The following LEPR variants were observed in gnomAD, a reference collection of about 807,000 sequenced individuals.
LEPR encodes the protein OB receptor.
A neutral mutation model predicts 114.7 loss-of-function variants in LEPR; 56 were observed. The observed-to-expected ratio is 0.49, with a 90% CI of 0.39 to 0.61. The LOEUF is 0.61. LEPR is among the 20% of genes least tolerant of loss of function. LEPR has a pLI of 0.00. For synonymous variants in LEPR, 443 were observed against 461.4 expected (o/e 0.96, Z 0.51); for missense variants, 1,202 against 1,352.9 (o/e 0.89, Z 1.75).
intron 2 of LEPR, among the ~76,000 whole-genome samples, chr1:65,545,555 C>T (rs1403908140): frequency 6.6e-6 from 1 of 152,006 alleles, no homozygotes; most frequent in Non-Finnish European, 1.5e-5. Flanking sequence ...CTCTGATGGC[C>T]AGTGATGGTG....
intron 7 of LEPR, 115 bp from the exon 8 acceptor site, chr1:65,598,545 A>G (rs1656236461): frequency 1.4e-6 from 2 of 1,454,270 alleles, no homozygotes; most frequent in South Asian, 1.3e-5. Context: ...GTGGCCAGAT[A>G]ACTACTGTGT....
chr1:65,428,701 T>C (rs1319275311), intron 2 of LEPR, among the ~76,000 whole-genome samples: 1 of 152,120 alleles, frequency 6.6e-6, no homozygotes, highest in African/African-American at 2.4e-5. Context: ...TGAATTATTG[T>C]AGTGTATATA....
At chr1:65,525,662 C>G in intron 2 of LEPR, 4 of 985,678 alleles carry the variant, frequency 4.1e-6, no homozygotes, top group Non-Finnish European at 4.8e-6. Flanking sequence ...CTCGGCTGCC[C>G]TCCTCCTCTC....
chr1:65,619,756 A>G (rs1362700469), intron 16 of LEPR, among the ~76,000 whole-genome samples, 172 bp from the exon 17 acceptor site: 1 of 152,208 alleles, frequency 6.6e-6, no homozygotes, highest in Non-Finnish European at 1.5e-5. Context: ...CTAGATAATT[A>G]GAAGTGCTTA....
Position 65,608,855 on chromosome 1 carries a change from A to G in LEPR, c.1706A>G (p.Gln569Arg), listed in dbSNP as rs543325770. 6.2e-7 allele frequency: 1 copy of G among 1,613,816 alleles called. No homozygotes were observed. The highest frequency in any genetic ancestry group is 8.5e-7 in the Non-Finnish European group (1 of 1,179,852). Reference sequence around the variant, plus strand: ...CCAGTCTTTCCAGAGAATAACCTTCAATTCCAGATTCGCTATGGTTTAAGT... The same window carrying G: ...CCAGTCTTTCCAGAGAATAACCTTCGATTCCAGATTCGCTATGGTTTAAGT... Reference protein sequence around the residue: ...EKPVFPENNLQFQIRYGLSGK... With the variant: ...EKPVFPENNLRFQIRYGLSGK... The change falls in exon 12 of 20, where the codon CAA (glutamine) becomes CGA (arginine). Residue 569 changes from glutamine (Q) to arginine (R), a missense_variant. Transcript: ENST00000349533.
At chr1:65,550,306 C>T (rs889427486) in intron 2 of LEPR, among the ~76,000 whole-genome samples, 3 of 152,178 alleles carry the variant, frequency 2.0e-5, no homozygotes, top group Non-Finnish European at 4.4e-5. Flanking sequence ...GTTCTCAGGT[C>T]TCCAGCTGCG....
chr1:65,426,120 C>T (rs1646358838), intron 2 of LEPR, among the ~76,000 whole-genome samples: 1 of 133,964 alleles, frequency 7.5e-6, no homozygotes, highest in African/African-American at 3.9e-5. Context: ...GGGAGGGCCT[C>T]TCAGAGGAGG....
intron 2 of LEPR, among the ~76,000 whole-genome samples, chr1:65,547,151 T>G (rs1241203981): frequency 6.6e-6 from 1 of 151,486 alleles, no homozygotes; most frequent in East Asian, 1.9e-4. Context: ...ATCCCAGGGA[T>G]GAAGCCCACT....
chr1:65,526,040 G>A (rs1013591622), intron 2 of LEPR: 147 of 907,080 alleles, frequency 1.6e-4, no homozygotes, highest in Non-Finnish European at 1.9e-4. Flanking sequence ...GGCTCCCGTG[G>A]GGCGAGGAAG....
chr1:65,599,923 T>C (rs1440412340), intron 8 of LEPR, among the ~76,000 whole-genome samples: 3 of 152,094 alleles, frequency 2.0e-5, no homozygotes, highest in African/African-American at 7.2e-5. Flanking sequence ...TCACAAATTG[T>C]CAGGTTTTTA....
Position 65,631,367 on chromosome 1 carries a change from C to T in LEPR, c.2674-4824C>T, listed in dbSNP as rs1218173284. Among the ~76,000 whole-genome samples the T allele has an allele frequency of 7.9e-5, 12 of 152,104 alleles. 1 individual carries two copies. Among genetic ancestry groups the T allele is most frequent in the Admixed American group, 5.9e-4 (9 of 15,274 alleles). On this transcript the variant is annotated intron_variant, in intron 19 of 19. Transcript: ENST00000349533. ...TGTGTTTTTACGTGCCATTTCTTCACGCACTGTCTCCGCTGTATACGGCAG... is the reference window on the plus strand; with the variant it reads ...TGTGTTTTTACGTGCCATTTCTTCATGCACTGTCTCCGCTGTATACGGCAG...
rs552365427 is a variant in LEPR, at chr1:65,527,391, A to C, written c.-20-38155A>C. On this transcript the variant is annotated intron_variant, in intron 2 of 19. Coordinates refer to ENST00000349533, the MANE Select transcript of LEPR (RefSeq NM_002303.6). Reference sequence around the variant, plus strand: ...ATTAGGAATGGACACACGCACACACAAAAGTGTCTACAGTGAGTATGTACT... The same window carrying C: ...ATTAGGAATGGACACACGCACACACCAAAGTGTCTACAGTGAGTATGTACT... Among the ~76,000 whole-genome samples, 9 of 152,352 alleles carry C rather than the reference A, an allele frequency of 5.9e-5. No homozygotes were observed. In the East Asian group the frequency reaches 1.7e-3, roughly 29 times the overall value.
chr1:65,461,214 A>G (rs1646941486), intron 2 of LEPR, among the ~76,000 whole-genome samples: 1 of 152,124 alleles, frequency 6.6e-6, no homozygotes, highest in Admixed American at 6.5e-5. Context: ...GCCTCAAGAT[A>G]TCCGCCTGCC....
At chr1:65,467,287 C>T (rs1318976029) in intron 2 of LEPR, among the ~76,000 whole-genome samples, 1 of 152,158 alleles carries the variant, frequency 6.6e-6, no homozygotes, top group African/African-American at 2.4e-5. Context: ...ACAGTCAGAC[C>T]CCTCAGCTGC....
rs1658843437 is a variant in LEPR, at chr1:65,641,006, C to T, written c.*3991C>T. ...GGCCAGGCTGGTCTTGAACTCCTGA[C>T]CTCAAGTGATCCGCCCTCATTGGCC... On this transcript the variant is annotated 3_prime_UTR_variant, in exon 20 of 20. Transcript: ENST00000349533. The T allele has an allele frequency of 6.6e-6, 1 of 152,104 alleles. No individual in the cohort carries two copies. The highest frequency in any genetic ancestry group is 1.5e-5 in the Non-Finnish European group (1 of 68,046). The allele number at this position is 152,104 out of a possible 1,614,324, so 9.4% of individuals were successfully genotyped here.
At chr1:65,422,351 C>T (rs1192518490) in intron 1 of LEPR, among the ~76,000 whole-genome samples, 1 of 152,130 alleles carries the variant, frequency 6.6e-6, no homozygotes, top group Non-Finnish European at 1.5e-5. Context: ...ACCATGCTGG[C>T]AACCACTGAG....
At chr1:65,429,534 A>G (rs1646445987) in intron 2 of LEPR, among the ~76,000 whole-genome samples, 1 of 152,156 alleles carries the variant, frequency 6.6e-6, no homozygotes, top group Non-Finnish European at 1.5e-5. Flanking sequence ...ACACTCTACT[A>G]TGTTCTATAG....
intron 2 of LEPR, among the ~76,000 whole-genome samples, chr1:65,510,234 T>C (rs775812340): frequency 2.0e-5 from 3 of 152,212 alleles, no homozygotes; most frequent in Non-Finnish European, 4.4e-5. Context: ...GAAATTTTTC[T>C]GATTCCATGA....
intron 2 of LEPR, among the ~76,000 whole-genome samples, chr1:65,465,605 G>C (rs1647001132): frequency 6.6e-6 from 1 of 152,132 alleles, no homozygotes; most frequent in African/African-American, 2.4e-5. Flanking sequence ...TCGTTGATCT[G>C]TCTAATATTG....
Sources: allele counts gnomAD v4.1 joint callset (sites outside exome capture counted in the v4.1 genomes callset), GRCh38; gene constraint gnomAD v4.1.1; transcripts MANE v1.5; gene names NCBI Gene and HGNC (gene_info 2026-07-23, HGNC 2026-07-21).